Variants in SCARA5 observed in about 807,000 individuals in gnomAD.
SCARA5 encodes scavenger receptor class A member 5.
A neutral mutation model predicts 46.3 loss-of-function variants in SCARA5; 45 were observed. The ratio of observed to expected loss-of-function variants is 0.97; its 90% CI spans 0.76 to 1.24. The LOEUF (loss-of-function observed/expected upper bound fraction) is 1.24, where lower values mean the gene tolerates loss of function less well. Among genes scored for constraint, SCARA5 ranks in the 50% most tolerant of loss-of-function variants. The pLI is 0.00. For missense variants in SCARA5, 680 were observed against 689.0 expected (o/e 0.99, Z 0.15); for synonymous variants, 333 against 306.5 (o/e 1.09, Z -0.90).
At chr8:27,986,526 G>C (rs1808707376) in intron 2 of SCARA5, among the ~76,000 whole-genome samples, 1 of 152,158 alleles carries the variant, frequency 6.6e-6, no homozygotes, top group African/African-American at 2.4e-5. Flanking sequence ...TCCAGAAGAA[G>C]AGCCACCATG....
At chr8:27,915,894 T>A (rs1723226879) in intron 4 of SCARA5, among the ~76,000 whole-genome samples, 1 of 149,718 alleles carries the variant, frequency 6.7e-6, no homozygotes, top group South Asian at 2.2e-4. Flanking sequence ...GCCATCTGAA[T>A]GTGACTTTGT....
intron 2 of SCARA5, among the ~76,000 whole-genome samples, chr8:27,972,955 T>C (rs995886067): frequency 6.6e-6 from 1 of 152,106 alleles, no homozygotes; most frequent in Non-Finnish European, 1.5e-5. Context: ...TTTCACACCA[T>C]CCTCATTATC....
At chr8:27,876,206 T>C (rs1806721399) in intron 8 of SCARA5, among the ~76,000 whole-genome samples, 1 of 152,174 alleles carries the variant, frequency 6.6e-6, no homozygotes. Context: ...TTAGCATTTA[T>C]AGTAATTCTT....
Position 27,871,622 on chromosome 8 carries a change from C to T in SCARA5, c.*312G>A, listed in dbSNP as rs1428424004. The T allele has an allele frequency of 8.1e-7, 1 of 1,235,566 alleles. No homozygotes were observed. Among genetic ancestry groups the T allele is most frequent in the African/African-American group, 1.5e-5 (1 of 66,074 alleles). 76.5% of individuals were successfully genotyped at this position (1,235,566 alleles called of 1,614,324 possible). A position where few individuals can be genotyped will look rare whatever the true frequency, so the allele number is the denominator to read the frequency against. ...CCTGTAACTAAAAGGCCAAAGGGAA[C>T]TGGGATATTGAGGCCTGGTGCATGG... is the stretch of plus-strand genomic sequence containing the variant. On this transcript the variant is annotated 3_prime_UTR_variant, in exon 9 of 9. Transcript: ENST00000354914.
chr8:27,914,749 C>T (rs116024106), intron 4 of SCARA5, among the ~76,000 whole-genome samples: 2,019 of 152,252 alleles, frequency 0.013, 53 homozygotes, highest in African/African-American at 0.046. Flanking sequence ...GTCCTGGGGT[C>T]CCTGCTCAGG....
intron 2 of SCARA5, among the ~76,000 whole-genome samples, chr8:27,987,226 G>A (rs555585820): frequency 5.3e-5 from 8 of 152,304 alleles, no homozygotes; most frequent in South Asian, 2.1e-4. Context: ...CATGGCCCTC[G>A]GAGTCAGGAG....
intron 4 of SCARA5, among the ~76,000 whole-genome samples, chr8:27,918,610 G>C (rs1238509393): frequency 6.8e-6 from 1 of 147,258 alleles, no homozygotes; most frequent in African/African-American, 2.5e-5. Context: ...AGAAGGAGGA[G>C]GAAGAGGAGG....
intron 2 of SCARA5, among the ~76,000 whole-genome samples, chr8:27,970,712 T>C (rs1326046408): frequency 6.6e-6 from 1 of 152,160 alleles, no homozygotes; most frequent in Non-Finnish European, 1.5e-5. Flanking sequence ...AATTCTTTCC[T>C]GGGCAAAGCC....
Position 27,870,640 on chromosome 8 carries a change from T to C in SCARA5, c.*1294A>G, listed in dbSNP as rs1266495643. The C allele has an allele frequency of 1.3e-5, 2 of 152,150 alleles. No individual in the cohort carries two copies. Among genetic ancestry groups the C allele is most frequent in the African/African-American group, 4.8e-5 (2 of 41,428 alleles). 9.4% of individuals were successfully genotyped at this position (152,150 alleles called of 1,614,324 possible). On this transcript the variant is annotated 3_prime_UTR_variant, in exon 9 of 9. Coordinates refer to ENST00000354914, the MANE Select transcript of SCARA5 (RefSeq NM_173833.6). Reference sequence around the variant, plus strand: ...CTCCCCTAGTTCTTGAACATGTGTATGGCCCAGTTCTGCTCCTCATGTAAA... The same window carrying C: ...CTCCCCTAGTTCTTGAACATGTGTACGGCCCAGTTCTGCTCCTCATGTAAA...
rs749522117 is a variant in SCARA5, at chr8:27,922,121, C to A, written c.366G>T (p.Thr122=). 1.0e-5 allele frequency: 16 copies of A among 1,606,330 alleles called. No homozygotes were observed. The Middle Eastern group carries it at 5.0e-4, about 50-fold the overall frequency. ...LLQAPLQADL[T]EQVWKVQDAL... is the part of the protein sequence containing the mutation. ...CGTCCTGCACCTTCCACACCTGCTC[C>A]GTCAGGTCCGCTTGCAGCGGAGCCT... The change falls in exon 4 of 9, where the codon ACG becomes ACT. Residue 122 remains threonine, a synonymous_variant. Coordinates refer to ENST00000354914, the MANE Select transcript of SCARA5 (RefSeq NM_173833.6).
At chr8:27,931,595 G>A (rs984105653) in intron 3 of SCARA5, among the ~76,000 whole-genome samples, 6 of 152,174 alleles carry the variant, frequency 3.9e-5, no homozygotes, top group African/African-American at 1.4e-4. Context: ...AACAGTGACT[G>A]GTTGAAAGAG....
intron 2 of SCARA5, among the ~76,000 whole-genome samples, chr8:27,974,421 T>C (rs1410105237): frequency 1.3e-5 from 2 of 151,828 alleles, no homozygotes; most frequent in Admixed American, 6.6e-5. Context: ...TAAAAATGAG[T>C]GTTTATTTCC....
intron 2 of SCARA5, among the ~76,000 whole-genome samples, chr8:27,973,168 C>A (rs1263950269): frequency 6.6e-6 from 1 of 152,130 alleles, no homozygotes; most frequent in African/African-American, 2.4e-5. Context: ...TTAGAGCAAA[C>A]TTTTGGTCTG....
chr8:27,981,893 T>C (rs1808621686), intron 2 of SCARA5, among the ~76,000 whole-genome samples: 3 of 152,196 alleles, frequency 2.0e-5, no homozygotes, highest in Non-Finnish European at 4.4e-5. Context: ...CGGCGGTGAC[T>C]CTTCCAGAGG....
At chr8:27,890,902 G>A (rs1806970189) in intron 7 of SCARA5, among the ~76,000 whole-genome samples, 1 of 152,202 alleles carries the variant, frequency 6.6e-6, no homozygotes, top group African/African-American at 2.4e-5. Flanking sequence ...AATGCTGCGA[G>A]GCAGTTCCAG....
intron 1 of SCARA5, among the ~76,000 whole-genome samples, chr8:27,990,391 C>T (rs1025012006): frequency 6.6e-6 from 1 of 152,156 alleles, no homozygotes; most frequent in Non-Finnish European, 1.5e-5. Context: ...ACCCTCAGAT[C>T]ATGGATCTTA....
intron 7 of SCARA5, among the ~76,000 whole-genome samples, chr8:27,893,886 A>G: frequency 6.6e-6 from 1 of 152,224 alleles, no homozygotes; most frequent in East Asian, 1.9e-4. Context: ...CAGCGGGTTT[A>G]GGAGGACTGT....
At chr8:27,874,984 T>C (rs1372560922) in intron 8 of SCARA5, among the ~76,000 whole-genome samples, 2 of 152,096 alleles carry the variant, frequency 1.3e-5, no homozygotes, top group East Asian at 3.9e-4. Context: ...TTTCTTGGCT[T>C]CCCCCATGCA....
At chr8:27,881,744 AATTG>A (rs1394646986) in intron 7 of SCARA5, among the ~76,000 whole-genome samples, 1 of 152,152 alleles carries the variant, frequency 6.6e-6, no homozygotes, top group Non-Finnish European at 1.5e-5. Context: ...TTCGCAGAAA[AATTG>A]ATTGAAAGGT....
Sources: gnomAD v4.1 joint callset for allele counts (sites outside exome capture counted in the v4.1 genomes callset) on GRCh38, gnomAD v4.1.1 for gene constraint, MANE v1.5 for transcripts, NCBI Gene and HGNC (gene_info 2026-07-23, HGNC 2026-07-21) for gene names.